POTEJ: variants seen among roughly 807,000 people sequenced by gnomAD.
The protein encoded by POTEJ is POTE ankyrin domain family member J.
In POTEJ, 11 loss-of-function variants were observed where a neutral mutation model predicts 69.0. That is an observed-to-expected ratio of 0.16 (90% CI 0.10 to 0.26). The LOEUF (loss-of-function observed/expected upper bound fraction) is 0.26. Ranked by LOEUF, POTEJ falls within the 10% of genes least tolerant of loss-of-function variation. The pLI is 1.00. For synonymous variants in POTEJ, 117 were observed against 381.1 expected (o/e 0.31, Z 8.07); for missense variants, 327 against 1,045.5 (o/e 0.31, Z 9.48).
At chr2:130,628,094 AG>A (rs1685776723) in intron 6 of POTEJ, among the ~76,000 whole-genome samples, 1 of 139,740 alleles carries the variant, frequency 7.2e-6, no homozygotes, top group African/African-American at 2.9e-5. Context: ...TGGCATTTAA[AG>A]TGATCTATAT....
chr2:130,640,816 G>C (rs1478899404), intron 10 of POTEJ, among the ~76,000 whole-genome samples: 11 of 152,324 alleles, frequency 7.2e-5, no homozygotes, highest in Non-Finnish European at 1.3e-4. Flanking sequence ...GGGGGATTGG[G>C]ATATTAAATA....
intron 9 of POTEJ, among the ~76,000 whole-genome samples, chr2:130,637,412 T>C (rs1160122172): frequency 2.5e-4 from 38 of 150,234 alleles, no homozygotes; most frequent in Non-Finnish European, 4.9e-4. Context: ...GGTTCATGCA[T>C]TTCTCCTGCC....
chr2:130,624,610 G>A (rs1483246094), intron 6 of POTEJ, among the ~76,000 whole-genome samples: 7 of 152,052 alleles, frequency 4.6e-5, no homozygotes, highest in Admixed American at 6.6e-5. Flanking sequence ...CTTGCCTGCT[G>A]CTCACCTCCT....
chr2:130,624,958 A>T (rs1181363617), intron 6 of POTEJ, among the ~76,000 whole-genome samples: 2 of 151,834 alleles, frequency 1.3e-5, no homozygotes, highest in East Asian at 1.9e-4. Flanking sequence ...GATTGTCATA[A>T]TAAATATACA....
At chr2:130,615,499 T>A (rs572421931) in intron 1 of POTEJ, among the ~76,000 whole-genome samples, 4 of 135,728 alleles carry the variant, frequency 2.9e-5, no homozygotes, top group African/African-American at 9.4e-5. Context: ...CAAACTAACA[T>A]AGGAAGAGAA....
intron 10 of POTEJ, among the ~76,000 whole-genome samples, chr2:130,641,620 C>G (rs1360940421): frequency 1.5e-4 from 22 of 151,470 alleles, no homozygotes; most frequent in African/African-American, 5.4e-4. Flanking sequence ...AGATTGTACA[C>G]TAGTATTTAA....
intron 1 of POTEJ, among the ~76,000 whole-genome samples, chr2:130,612,441 T>G (rs1394475331): frequency 6.6e-6 from 1 of 151,742 alleles, no homozygotes; most frequent in East Asian, 1.9e-4. Flanking sequence ...ATGGTTCCTG[T>G]GCTTGAATAG....
intron 13 of POTEJ, among the ~76,000 whole-genome samples, chr2:130,652,068 T>G (rs1197552798): frequency 7.2e-6 from 1 of 138,538 alleles, no homozygotes. Context: ...GGGAGGTGAT[T>G]GGCTCATGGG....
intron 5 of POTEJ, 135 bp from the exon 6 acceptor site, chr2:130,623,929 A>C: frequency 2.0e-6 from 1 of 497,152 alleles, no homozygotes; most frequent in East Asian, 3.3e-5. Flanking sequence ...GAATGTACTC[A>C]TAAGTGGATG....
At chr2:130,643,211 AG>A (rs1686456115) in intron 10 of POTEJ, among the ~76,000 whole-genome samples, 1 of 145,614 alleles carries the variant, frequency 6.9e-6, no homozygotes, top group African/African-American at 2.5e-5. Context: ...TGCAGAATGA[AG>A]GAAGACTTCA....
chr2:130,635,024 T>C (rs1388584379), intron 9 of POTEJ, among the ~76,000 whole-genome samples: 4 of 147,842 alleles, frequency 2.7e-5, no homozygotes, highest in South Asian at 4.3e-4. Flanking sequence ...TCACTTGGCT[T>C]TCAGGACCTC....
intron 5 of POTEJ, among the ~76,000 whole-genome samples, chr2:130,623,351 G>C (rs1185963115): frequency 3.4e-5 from 1 of 29,492 alleles, no homozygotes; most frequent in Non-Finnish European, 6.4e-5. Context: ...TGGTGTGATT[G>C]ATCAACTCCG....
intron 3 of POTEJ, among the ~76,000 whole-genome samples, chr2:130,619,283 G>A (rs1363078979): frequency 1.3e-5 from 2 of 150,574 alleles, no homozygotes; most frequent in Non-Finnish European, 2.9e-5. Context: ...TAAGAGCAGA[G>A]TTTTCTCAAT....
At chr2:130,632,931 G>C (rs1224382751) in intron 9 of POTEJ, among the ~76,000 whole-genome samples, 18 of 147,090 alleles carry the variant, frequency 1.2e-4, no homozygotes, top group Middle Eastern at 3.4e-3. Context: ...ACATGTGCAG[G>C]GTTATTATAT....
At chr2:130,628,970 A>T (rs1685805779) in intron 6 of POTEJ, among the ~76,000 whole-genome samples, 1 of 148,958 alleles carries the variant, frequency 6.7e-6, no homozygotes, top group Non-Finnish European at 1.5e-5. Flanking sequence ...CAGTGAGCTG[A>T]GATTGCGACA....
intron 6 of POTEJ, among the ~76,000 whole-genome samples, chr2:130,624,926 G>A (rs546733535): frequency 0.029 from 4,318 of 151,494 alleles, 81 homozygotes; most frequent in African/African-American, 0.098. Flanking sequence ...AGAACAAGAT[G>A]CTCTGCTACC....
chr2:130,613,172 A>T (rs1296313624), intron 1 of POTEJ, among the ~76,000 whole-genome samples: 102 of 146,650 alleles, frequency 7.0e-4, no homozygotes, highest in African/African-American at 2.5e-3. Flanking sequence ...AATTTTAAAC[A>T]TACAAAAGGA....
At chr2:130,613,310 AT>A (rs2105192869) in intron 1 of POTEJ, among the ~76,000 whole-genome samples, 1 of 123,878 alleles carries the variant, frequency 8.1e-6, no homozygotes, top group East Asian at 2.1e-4. Context: ...ATATGTATAT[AT>A]ACATATATAT....
Position 130,657,304 on chromosome 2 carries a change from G to T in POTEJ, c.2544G>T (p.Leu848=). The change falls in exon 15 of 15, where the codon CTG becomes CTT. Residue 848 remains leucine, a synonymous_variant. Coordinates refer to ENST00000409602, the MANE Select transcript of POTEJ (RefSeq NM_001277083.2). ...GCCTAGACCTGGCTGGGCGGGAACT[G>T]ACTGACTACCTCATGAAGATCCTCA... ...TLRLDLAGRE[L]TDYLMKILTE... The T allele has an allele frequency of 6.2e-7, 1 of 1,600,872 alleles. No individual in the cohort carries two copies. Among genetic ancestry groups the T allele is most frequent in the South Asian group, 1.1e-5 (1 of 90,748 alleles).
Sources: gnomAD v4.1 joint callset for allele counts (sites outside exome capture counted in the v4.1 genomes callset) on GRCh38, gnomAD v4.1.1 for gene constraint, MANE v1.5 for transcripts, NCBI Gene and HGNC (gene_info 2026-07-23, HGNC 2026-07-21) for gene names.